PCDH7: variants seen among roughly 807,000 people sequenced by gnomAD.
The protein encoded by PCDH7 is protocadherin 7, also known as protocadherin-7.
PCDH7 carries 17 observed loss-of-function variants against 58.9 expected under a neutral mutation model. That is an observed-to-expected ratio of 0.29 (90% confidence interval 0.20 to 0.43). The LOEUF (loss-of-function observed/expected upper bound fraction) is 0.43. PCDH7 is among the 20% of genes least tolerant of loss of function. PCDH7 has a pLI of 1.00. For synonymous variants in PCDH7, 664 were observed against 616.4 expected, an observed-to-expected ratio of 1.08 and a Z score of -1.14; for missense variants, 1,274 against 1,441.0, an observed-to-expected ratio of 0.88 and a Z score of 1.88.
chr4:30,890,183 G>A (rs983320019), intron 1 of PCDH7, among the ~76,000 whole-genome samples: 1 of 152,074 alleles, frequency 6.6e-6, no homozygotes, highest in Non-Finnish European at 1.5e-5. Flanking sequence ...CTTTGCCATT[G>A]ACCAGTATTT....
downstream of PCDH7, chr4:31,146,373 ATAAATAAATAAT>A (rs1381621281): frequency 6.6e-6 from 1 of 151,852 alleles, no homozygotes; most frequent in African/African-American, 2.4e-5. Flanking sequence ...AAATAAATAA[ATAAATAAATAAT>A]AAAAAGTGAG....
intron 2 of PCDH7, among the ~76,000 whole-genome samples, chr4:30,942,605 C>T (rs1297692839): frequency 3.3e-5 from 5 of 151,954 alleles, no homozygotes; most frequent in Non-Finnish European, 7.4e-5. Flanking sequence ...GGAGAAAAGT[C>T]CTAACATTCT....
At chr4:30,777,863 AG>A (rs1372016326) in intron 1 of PCDH7, among the ~76,000 whole-genome samples, 3 of 152,170 alleles carry the variant, frequency 2.0e-5, no homozygotes, top group Non-Finnish European at 4.4e-5. Flanking sequence ...GATTCATTCT[AG>A]TATACATTTA....
chr4:30,905,967 A>G (rs1488559483), intron 1 of PCDH7, among the ~76,000 whole-genome samples: 1 of 152,212 alleles, frequency 6.6e-6, no homozygotes, highest in Non-Finnish European at 1.5e-5. Context: ...GAGGTAGGGA[A>G]GATTTAAACA....
intron 3 of PCDH7, among the ~76,000 whole-genome samples, chr4:31,079,664 C>T (rs1422347784): frequency 6.6e-6 from 1 of 151,542 alleles, no homozygotes; most frequent in Admixed American, 6.6e-5. Context: ...TCTAGATAAT[C>T]ACATCCCATA....
At chr4:30,981,181 T>C (rs1349910503) in intron 3 of PCDH7, among the ~76,000 whole-genome samples, 1 of 152,190 alleles carries the variant, frequency 6.6e-6, no homozygotes, top group Non-Finnish European at 1.5e-5. Context: ...AAAAGAAAAG[T>C]AGAGCTCCAG....
rs1717106846 is a variant in PCDH7 at position 30,741,743 on chromosome 4, T to C, written c.70+17147T>C. On this transcript the variant is annotated intron_variant, in intron 1 of 3. Coordinates refer to the PCDH7 transcript ENST00000509759. ...GGGCACCACAAATATAATCTGCAATTACTATATGAGTAGAGTATAAGCAAA... is the reference window on the plus strand; with the variant it reads ...GGGCACCACAAATATAATCTGCAATCACTATATGAGTAGAGTATAAGCAAA... Among the ~76,000 whole-genome samples, 3 of 152,364 alleles carry C rather than the reference T, an allele frequency of 2.0e-5. 1 individual carries two copies. In the South Asian group the frequency reaches 6.2e-4, roughly 32 times the overall value.
chr4:30,742,664 C>T (rs1717232787), intron 1 of PCDH7, among the ~76,000 whole-genome samples: 3 of 152,046 alleles, frequency 2.0e-5, no homozygotes, highest in African/African-American at 7.2e-5. Flanking sequence ...TGAAACTTGC[C>T]TGGAGTTCAG....
chr4:30,736,535 AT>A (rs35719962), downstream of PCDH7, among the ~76,000 whole-genome samples: 8,296 of 134,310 alleles, frequency 0.062, 273 homozygotes, highest in African/African-American at 0.13. Context: ...ATTTTCATTT[AT>A]TTTTTTTTTT....
chr4:31,113,710 G>A (rs1015310331), intron 3 of PCDH7, among the ~76,000 whole-genome samples: 1 of 151,800 alleles, frequency 6.6e-6, no homozygotes, highest in Admixed American at 6.6e-5. Flanking sequence ...ATTGAGTTTT[G>A]AGCAGATAGG....
chr4:30,996,083 T>C (rs568815715), intron 3 of PCDH7, among the ~76,000 whole-genome samples: 1 of 152,352 alleles, frequency 6.6e-6, no homozygotes, highest in African/African-American at 2.4e-5. Context: ...ATTAAATATA[T>C]AAAAATCCAT....
intron 2 of PCDH7, among the ~76,000 whole-genome samples, chr4:30,941,185 C>A (rs1745997634): frequency 6.6e-6 from 1 of 151,870 alleles, no homozygotes; most frequent in African/African-American, 2.4e-5. Context: ...AATTAAAATA[C>A]ATTAACTAAG....
intron 3 of PCDH7, among the ~76,000 whole-genome samples, chr4:31,122,056 A>G (rs958431068): frequency 4.6e-5 from 7 of 152,002 alleles, no homozygotes; most frequent in Non-Finnish European, 7.4e-5. Flanking sequence ...GATGATGACT[A>G]TTTTGGAATA....
chr4:30,920,380 ACACAACATC>A lies in PCDH7; in HGVS notation c.287+16_287+24del. 3 of 1,364,462 alleles carry A rather than the reference ACACAACATC, an allele frequency of 2.2e-6. No homozygotes were observed. Among genetic ancestry groups the A allele is most frequent in the Non-Finnish European group, 2.9e-6 (3 of 1,019,664 alleles). 84.5% of individuals were successfully genotyped at this position (1,364,462 alleles called of 1,614,324 possible). ...AGCATATGGAAAATGGTAGGGGCAA[ACACAACATC>A]CACACACATAATCACGCTAGTGAGC... On this transcript the variant is annotated intron_variant, in intron 2 of 3. Coordinates refer to the PCDH7 transcript ENST00000509759.
chr4:30,954,950 C>G (rs906699649), intron 3 of PCDH7, among the ~76,000 whole-genome samples: 1 of 152,074 alleles, frequency 6.6e-6, no homozygotes, highest in Non-Finnish European at 1.5e-5. Context: ...CTTTCTGAAG[C>G]TATCTCTTGA....
In PCDH7 at chr4:30,721,456, G is replaced by T; in HGVS notation, c.34G>T (p.Gly12Cys). 1 of 1,553,394 alleles carries T rather than the reference G, an allele frequency of 6.4e-7. No individual in the cohort carries two copies. Among genetic ancestry groups the T allele is most frequent in the Non-Finnish European group, 8.7e-7 (1 of 1,154,052 alleles). ...GATGCGGACCGCGGGATGGGCGCGC[G>T]GCTGGTGCTTGGGCTGCTGCCTCCT... The change falls in exon 1 of 2, where the codon GGC (glycine) becomes TGC (cysteine). Residue 12 changes from glycine (G) to cysteine (C), a missense_variant. Physicochemically the swap from Gly to Cys is radical, Grantham distance 159 (BLOSUM62 -3). Transcript: ENST00000361762. This position sits in a 1 kb window ranked among gnomAD's most constrained non-coding sequence, Gnocchi z 6.7.
At chr4:30,765,125 CTTT>C (rs10692198) in intron 1 of PCDH7, among the ~76,000 whole-genome samples, 1,114 of 49,184 alleles carry the variant, frequency 0.023, 28 homozygotes, top group African/African-American at 0.074. Flanking sequence ...ACTTCAGATG[CTTT>C]TTTTTTTTTT....
At chr4:31,059,531 C>A (rs116754199) in intron 3 of PCDH7, among the ~76,000 whole-genome samples, 3,553 of 151,852 alleles carry the variant, frequency 0.023, 57 homozygotes, top group Middle Eastern at 0.048. Context: ...AGCTCCATGT[C>A]ACTTCAGTGT....
chr4:31,114,418 A>T (rs768414576), intron 3 of PCDH7, among the ~76,000 whole-genome samples: 33 of 152,176 alleles, frequency 2.2e-4, no homozygotes, highest in Non-Finnish European at 4.6e-4. Context: ...ACATATGGTT[A>T]TCAGGTATAC....
Sources: gnomAD v4.1 joint callset for allele counts (sites outside exome capture counted in the v4.1 genomes callset) on GRCh38, gnomAD v4.1.1 for gene constraint, Gnocchi (gnomAD v3.1) non-coding constraint, MANE v1.5 for transcripts, NCBI Gene and HGNC (gene_info 2026-07-23, HGNC 2026-07-21) for gene names.